EYS: variants seen among roughly 807,000 people sequenced by gnomAD.
EYS encodes EGF-like photoreceptor maintenance factor.
EYS carries 250 observed loss-of-function variants against 282.1 expected under a neutral mutation model. That is an observed-to-expected ratio of 0.89 (90% CI 0.80 to 0.98). The LOEUF is 0.98. Among genes scored for constraint, EYS ranks in the 50% least tolerant of loss-of-function variants. The pLI is 0.00. For synonymous variants in EYS, 1,355 were observed against 1,282.9 expected, an observed-to-expected ratio of 1.06 and a Z score of -1.20; for missense variants, 4,016 against 3,709.0, an observed-to-expected ratio of 1.08 and a Z score of -2.15.
chr6:65,418,056 G>A (rs1163128570), intron 5 of EYS, among the ~76,000 whole-genome samples: 1 of 151,910 alleles, frequency 6.6e-6, no homozygotes, highest in Non-Finnish European at 1.5e-5. Flanking sequence ...GAATGGTGTG[G>A]TAGAATTCAA....
chr6:65,651,628 C>T (rs773716877), intron 1 of EYS, among the ~76,000 whole-genome samples: 11 of 151,952 alleles, frequency 7.2e-5, no homozygotes, highest in Non-Finnish European at 1.3e-4. Flanking sequence ...ATGAATAATA[C>T]AGCAACCACT....
At chr6:65,365,160 C>G (rs1764868049) in intron 8 of EYS, among the ~76,000 whole-genome samples, 1 of 151,652 alleles carries the variant, frequency 6.6e-6, no homozygotes, top group Non-Finnish European at 1.5e-5. Context: ...TTTCTCTGTT[C>G]TTATAGCAGA....
chr6:64,493,586 C>G (rs886622751), intron 26 of EYS, among the ~76,000 whole-genome samples: 3 of 151,644 alleles, frequency 2.0e-5, no homozygotes, highest in Admixed American at 6.6e-5. Context: ...CCTTCAGTTT[C>G]TAAGAATGTT....
At chr6:65,142,780 T>A (rs995304393) in intron 12 of EYS, among the ~76,000 whole-genome samples, 1 of 151,994 alleles carries the variant, frequency 6.6e-6, no homozygotes, top group Non-Finnish European at 1.5e-5. Context: ...CTTTATGGTA[T>A]TTTTCCTGAC....
intron 8 of EYS, among the ~76,000 whole-genome samples, chr6:65,381,012 T>C (rs1765589547): frequency 6.6e-6 from 1 of 152,132 alleles, no homozygotes. Flanking sequence ...ATTTACACTT[T>C]TGGTGGGAGT....
chr6:65,207,099 A>G (rs1463966423), intron 12 of EYS, among the ~76,000 whole-genome samples: 2 of 151,796 alleles, frequency 1.3e-5, no homozygotes, highest in Non-Finnish European at 3.0e-5. Flanking sequence ...CTATTCACTG[A>G]TGGCATGGTT....
At chr6:64,837,628 TGATA>T (rs1482436790) in intron 19 of EYS, among the ~76,000 whole-genome samples, 1 of 147,462 alleles carries the variant, frequency 6.8e-6, no homozygotes, top group Non-Finnish European at 1.5e-5. Context: ...GATATGTATA[TGATA>T]GATATATGAT....
At chr6:64,858,146 A>G (rs1766124654) in intron 19 of EYS, among the ~76,000 whole-genome samples, 1 of 152,058 alleles carries the variant, frequency 6.6e-6, no homozygotes, top group African/African-American at 2.4e-5. Context: ...CTGTGCTTTC[A>G]GAGTTATATT....
intron 1 of EYS, among the ~76,000 whole-genome samples, chr6:65,701,804 T>C (rs1769688314): frequency 6.6e-6 from 1 of 152,186 alleles, no homozygotes; most frequent in Non-Finnish European, 1.5e-5. Context: ...CATAAATAAA[T>C]AAAAGGGCAT....
At chr6:65,506,333 C>G (rs1467832419) in intron 2 of EYS, among the ~76,000 whole-genome samples, 1 of 151,778 alleles carries the variant, frequency 6.6e-6, no homozygotes, top group Non-Finnish European at 1.5e-5. Flanking sequence ...ATTCCTCTTT[C>G]TATGTGCTCT....
At chr6:64,929,715 TA>T (rs1158433081) in intron 15 of EYS, among the ~76,000 whole-genome samples, 1 of 152,108 alleles carries the variant, frequency 6.6e-6, no homozygotes, top group African/African-American at 2.4e-5. Context: ...AATAATTATT[TA>T]GTCTTTCACA....
chr6:64,788,229 G>A (rs149659341), intron 22 of EYS, among the ~76,000 whole-genome samples: 1 of 152,178 alleles, frequency 6.6e-6, no homozygotes, highest in African/African-American at 2.4e-5. Context: ...GACCAAGGAG[G>A]GATCCGGCTG....
At chr6:63,889,554 TACAG>T (rs1306796215) in intron 35 of EYS, among the ~76,000 whole-genome samples, 2 of 152,154 alleles carry the variant, frequency 1.3e-5, no homozygotes, top group East Asian at 3.8e-4. Context: ...TAAAATCCTT[TACAG>T]ACAAGCAAAT....
At chr6:63,721,864 T>G (rs1346315086) in intron 42 of EYS, 67 bp from the exon 43 acceptor site, 2 of 1,430,800 alleles carry the variant, frequency 1.4e-6, no homozygotes, top group East Asian at 5.0e-5. Context: ...CTTTTGCTGT[T>G]TCTGGCCAAG....
chr6:65,259,036 C>T (rs539688658), intron 12 of EYS, among the ~76,000 whole-genome samples: 28 of 152,010 alleles, frequency 1.8e-4, no homozygotes, highest in African/African-American at 5.5e-4. Context: ...TCCAGATCTA[C>T]GCAAGATGAT....
intron 21 of EYS, among the ~76,000 whole-genome samples, chr6:64,819,868 G>A (rs1375712048): frequency 1.3e-5 from 2 of 151,772 alleles, no homozygotes; most frequent in Non-Finnish European, 2.9e-5. Flanking sequence ...AAAAAGTAAA[G>A]GGCAAGTAAT....
At chr6:65,169,696 C>A (rs1416034511) in intron 12 of EYS, among the ~76,000 whole-genome samples, 1 of 151,362 alleles carries the variant, frequency 6.6e-6, no homozygotes, top group Non-Finnish European at 1.5e-5. Context: ...TCTATATATA[C>A]TGACTTCTAC....
At chr6:65,537,295 A>G (rs1443192699) in intron 2 of EYS, among the ~76,000 whole-genome samples, 3 of 152,164 alleles carry the variant, frequency 2.0e-5, no homozygotes, top group African/African-American at 7.2e-5. Context: ...ATGTATACCT[A>G]TGTAACAAAC....
chr6:64,716,635 C>G (rs757282405), intron 22 of EYS, among the ~76,000 whole-genome samples: 3 of 152,208 alleles, frequency 2.0e-5, no homozygotes, highest in Non-Finnish European at 4.4e-5. Flanking sequence ...CAGGCAGGAT[C>G]AACTCTTCAC....
Sources: gnomAD v4.1 joint callset for allele counts (sites outside exome capture counted in the v4.1 genomes callset) on GRCh38, gnomAD v4.1.1 for gene constraint, MANE v1.5 for transcripts, NCBI Gene and HGNC (gene_info 2026-07-23, HGNC 2026-07-21) for gene names.